Variants in ADGRV1 observed in about 807,000 individuals in gnomAD.
The protein encoded by ADGRV1 is adhesion G protein-coupled receptor V1.
A neutral mutation model predicts 596.2 loss-of-function variants in ADGRV1; 359 were observed. The observed-to-expected ratio is 0.60, with a 90% confidence interval of 0.55 to 0.66. ADGRV1 has a LOEUF of 0.66. ADGRV1 is among the 30% of genes least tolerant of loss of function. The pLI, the probability that ADGRV1 is intolerant of heterozygous loss-of-function variation, is 0.00. For missense variants in ADGRV1, 7,274 were observed against 7,575.6 expected (o/e 0.96, Z 1.48); for synonymous variants, 2,681 against 2,679.2 (o/e 1.00, Z -0.02).
chr5:90,919,575 A>G (rs920137727), intron 83 of ADGRV1, among the ~76,000 whole-genome samples: 9 of 152,358 alleles, frequency 5.9e-5, no homozygotes, highest in East Asian at 1.9e-4. Context: ...AAAATGTACT[A>G]TAATTATTAA....
In ADGRV1 at chr5:90,833,373, C is replaced by G. The variant is rs371702349; in HGVS notation, c.16611+4187C>G. Among the ~76,000 whole-genome samples the G allele has an allele frequency of 3.3e-5, 5 of 152,184 alleles. 1 individual carries two copies. The highest frequency in any genetic ancestry group is 4.8e-5 in the African/African-American group (2 of 41,516). ...GATCATGGCTTACTACAGCCTTGAC[C>G]TCCTAGGCTCAAGCAATGCTCCCAC... On this transcript the variant is annotated intron_variant, in intron 77 of 89. Coordinates refer to ENST00000405460, the MANE Select transcript of ADGRV1 (RefSeq NM_032119.4).
intron 10 of ADGRV1, among the ~76,000 whole-genome samples, chr5:90,636,374 T>C (rs1363014077): frequency 6.6e-6 from 1 of 152,198 alleles, no homozygotes; most frequent in Non-Finnish European, 1.5e-5. Flanking sequence ...TCAATTTCCA[T>C]TGTATATTAG....
chr5:91,082,366 G>A (rs1789464972), intron 86 of ADGRV1, among the ~76,000 whole-genome samples: 1 of 151,810 alleles, frequency 6.6e-6, no homozygotes. Context: ...TTACTGTATT[G>A]CCCAGGATGG....
At chr5:90,624,638 C>T (rs1477638500) in intron 5 of ADGRV1, among the ~76,000 whole-genome samples, 1 of 152,106 alleles carries the variant, frequency 6.6e-6, no homozygotes, top group Non-Finnish European at 1.5e-5. Context: ...TTATTCCCTT[C>T]CTTTAAATGT....
At chr5:90,850,049 G>C (rs1766321705) in intron 79 of ADGRV1, among the ~76,000 whole-genome samples, 1 of 152,082 alleles carries the variant, frequency 6.6e-6, no homozygotes, top group Admixed American at 6.6e-5. Context: ...CTTGCCAAGG[G>C]TCACACAATT....
At chr5:90,952,798 G>T (rs1380067733) in intron 83 of ADGRV1, among the ~76,000 whole-genome samples, 1 of 151,962 alleles carries the variant, frequency 6.6e-6, no homozygotes, top group Non-Finnish European at 1.5e-5. Flanking sequence ...GATTTGCCTT[G>T]TTTTCTTCCA....
At chr5:90,729,383 T>C (rs1019372461) in intron 49 of ADGRV1, among the ~76,000 whole-genome samples, 2 of 152,120 alleles carry the variant, frequency 1.3e-5, no homozygotes, top group African/African-American at 4.8e-5. Context: ...ATTGCAACAT[T>C]CCTAAAAAAA....
intron 85 of ADGRV1, among the ~76,000 whole-genome samples, chr5:91,025,253 A>G (rs935203520): frequency 6.6e-6 from 1 of 152,168 alleles, no homozygotes. Context: ...TATAACTTGC[A>G]TAAAAATCAC....
intron 85 of ADGRV1, among the ~76,000 whole-genome samples, chr5:91,026,811 A>G (rs1004859058): frequency 2.0e-5 from 3 of 152,128 alleles, no homozygotes; most frequent in African/African-American, 7.2e-5. Flanking sequence ...TGCAACGAGA[A>G]TAGGATCCGA....
chr5:90,631,859 A>G (rs1765541145), intron 9 of ADGRV1, among the ~76,000 whole-genome samples: 1 of 152,242 alleles, frequency 6.6e-6, no homozygotes, highest in African/African-American at 2.4e-5. Flanking sequence ...GAAACTAAAA[A>G]CAAAAACAAA....
chr5:90,902,675 C>T (rs973538868), intron 83 of ADGRV1, among the ~76,000 whole-genome samples: 3 of 152,062 alleles, frequency 2.0e-5, no homozygotes, highest in East Asian at 1.9e-4. Context: ...ATTTTGATTC[C>T]AACGTAGTGG....
intron 50 of ADGRV1, among the ~76,000 whole-genome samples, chr5:90,737,295 T>C (rs1406669040): frequency 7.9e-5 from 12 of 152,038 alleles, no homozygotes; most frequent in Non-Finnish European, 1.5e-4. Context: ...TCAGAAAACA[T>C]ACTTGCTATG....
At chr5:90,814,570 T>C (rs1762728373) in intron 74 of ADGRV1, among the ~76,000 whole-genome samples, 1 of 152,094 alleles carries the variant, frequency 6.6e-6, no homozygotes. Context: ...GTTCTTGTGA[T>C]AGTGAGTGAG....
At chr5:91,118,739 C>T (rs1793061236) in intron 87 of ADGRV1, among the ~76,000 whole-genome samples, 1 of 152,258 alleles carries the variant, frequency 6.6e-6, no homozygotes, top group Middle Eastern at 3.4e-3. Flanking sequence ...GAATTGAATT[C>T]CTCGAGCACT....
chr5:91,017,781 A>G (rs1336691515), intron 85 of ADGRV1, among the ~76,000 whole-genome samples: 2 of 152,038 alleles, frequency 1.3e-5, no homozygotes, highest in African/African-American at 2.4e-5. Flanking sequence ...CTAGTCTCCT[A>G]CAGAGATTCT....
intron 82 of ADGRV1, among the ~76,000 whole-genome samples, chr5:90,858,425 A>G (rs1767235333): frequency 6.6e-6 from 1 of 152,166 alleles, no homozygotes; most frequent in Non-Finnish European, 1.5e-5. Flanking sequence ...GCTATTGGTT[A>G]TGCTACTGCA....
At chr5:91,127,186 A>G (rs981849874) in intron 87 of ADGRV1, among the ~76,000 whole-genome samples, 4 of 152,114 alleles carry the variant, frequency 2.6e-5, no homozygotes, top group East Asian at 1.9e-4. Context: ...GCTAGTTGCT[A>G]TTATCCCTTG....
chr5:91,038,019 G>A (rs1017257977), intron 85 of ADGRV1, among the ~76,000 whole-genome samples: 1 of 152,154 alleles, frequency 6.6e-6, no homozygotes, highest in Non-Finnish European at 1.5e-5. Context: ...TTTAGACTTA[G>A]GTTCCATCCC....
rs1762399647 is a variant in ADGRV1 at position 90,811,085 on chromosome 5, C to T, written c.15825C>T (p.Pro5275=). 1 of 1,613,878 alleles carries T rather than the reference C, an allele frequency of 6.2e-7. No homozygotes were observed. The highest frequency in any genetic ancestry group is 8.5e-7 in the Non-Finnish European group (1 of 1,179,774). ...CTCAGATGGAACCAAATGCATTGCC[C>T]TTTCGTGGTATCTATGGGATTTCCA... ...RCAQMEPNAL[P]FRGIYGISNL... The change falls in exon 74 of 90, where the codon CCC becomes CCT. Residue 5275 remains proline (P), a synonymous_variant. Coordinates refer to ENST00000405460, the MANE Select transcript of ADGRV1 (RefSeq NM_032119.4).
Sources: allele counts gnomAD v4.1 joint callset (sites outside exome capture counted in the v4.1 genomes callset), GRCh38; gene constraint gnomAD v4.1.1; transcripts MANE v1.5; gene names NCBI Gene and HGNC (gene_info 2026-07-23, HGNC 2026-07-21).